Variants in HDAC4 observed in about 807,000 individuals in gnomAD.
HDAC4 encodes the protein histone deacetylase 4.
In HDAC4, 16 loss-of-function variants were observed where a neutral mutation model predicts 135.1. That is an observed-to-expected ratio of 0.12 (90% CI 0.08 to 0.18). The LOEUF is 0.18. HDAC4 is among the 10% of genes least tolerant of loss of function. HDAC4 has a pLI of 1.00. For synonymous variants in HDAC4, 685 were observed against 653.4 expected (o/e 1.05, Z -0.74); for missense variants, 1,143 against 1,511.8 (o/e 0.76, Z 4.05).
chr2:239,261,063 G>A (rs943730066), intron 2 of HDAC4, among the ~76,000 whole-genome samples: 3 of 152,198 alleles, frequency 2.0e-5, no homozygotes, highest in African/African-American at 4.8e-5. Flanking sequence ...TCAGGTGGAC[G>A]TTCTGGATGT....
Position 239,090,052 on chromosome 2 carries a change from C to G in HDAC4, c.2345G>C (p.Cys782Ser). The G allele has an allele frequency of 6.2e-7, 1 of 1,613,924 alleles. No individual in the cohort carries two copies. Residue 782 changes from cysteine to serine, a missense_variant, in exon 18 of 27, where the codon TGC becomes TCC. Cys to Ser is a moderately radical substitution (Grantham distance 112, BLOSUM62 -1). Transcript: ENST00000543185. ...SAGAARLAVG[C>S]VVELVFKVAT... is the part of the protein sequence containing the mutation. ...CACCTTGAAGACCAGCTCTACCACG[C>G]AGCCCACAGCCAGGCGGGCTGCCCC...
At chr2:239,304,350 G>C (rs1350932770) in intron 2 of HDAC4, among the ~76,000 whole-genome samples, 2 of 152,198 alleles carry the variant, frequency 1.3e-5, no homozygotes, top group Non-Finnish European at 2.9e-5. Context: ...GATAAGCCGT[G>C]TAAACACCAG....
intron 15 of HDAC4, 76 bp from the exon 16 acceptor site, chr2:239,102,972 C>G: frequency 6.3e-7 from 1 of 1,582,420 alleles, no homozygotes; most frequent in Non-Finnish European, 8.7e-7. Flanking sequence ...GAAACTCCAA[C>G]TGAAACCATT....
intron 2 of HDAC4, among the ~76,000 whole-genome samples, chr2:239,330,705 G>C (rs1291770866): frequency 1.3e-5 from 2 of 152,210 alleles, no homozygotes; most frequent in Non-Finnish European, 2.9e-5. Flanking sequence ...CATGAGGCCT[G>C]GCCTTCTACA....
intron 1 of HDAC4, among the ~76,000 whole-genome samples, chr2:239,377,052 C>T (rs749703059): frequency 2.0e-5 from 3 of 152,112 alleles, no homozygotes; most frequent in Non-Finnish European, 4.4e-5. Flanking sequence ...ACACCTTACC[C>T]GTGAGCGTGC....
At chr2:239,057,489 CAAA>C (rs1466045034) in intron 24 of HDAC4, among the ~76,000 whole-genome samples, 2 of 152,110 alleles carry the variant, frequency 1.3e-5, no homozygotes, top group African/African-American at 4.8e-5. Flanking sequence ...ACATCAAAAA[CAAA>C]AAGAAAATTC....
chr2:239,311,661 G>A (rs1441129871), intron 2 of HDAC4, among the ~76,000 whole-genome samples: 1 of 152,142 alleles, frequency 6.6e-6, no homozygotes, highest in African/African-American at 2.4e-5. Flanking sequence ...ACCACACACA[G>A]GGGACTCCGT....
rs567448932 is a variant in HDAC4 at position 239,081,669 on chromosome 2, C to T, written c.2652+433G>A. Among the ~76,000 whole-genome samples the T allele has an allele frequency of 5.3e-5, 8 of 152,334 alleles. No individual in the cohort carries two copies. The East Asian group carries it at 5.8e-4, about 11-fold the overall frequency. On this transcript the variant is annotated intron_variant, in intron 21 of 26. Transcript: ENST00000543185. ...CTGTTCAGAGTGGGCAGGCTCTGAA[C>T]GGGGACCTGGGGCGTTGTCAAGGAG...
At chr2:239,143,926 G>C (rs3791479) in intron 8 of HDAC4, among the ~76,000 whole-genome samples, 105,809 of 152,102 alleles carry the variant, frequency 0.7, 37,629 homozygotes, top group South Asian at 0.91. Flanking sequence ...TGTGATTTCA[G>C]GAGTGGTGGG....
intron 2 of HDAC4, among the ~76,000 whole-genome samples, chr2:239,276,548 A>C (rs2050376639): frequency 6.6e-6 from 1 of 152,218 alleles, no homozygotes. Flanking sequence ...TGGGGACCTA[A>C]GTCCCTCTAG....
intron 3 of HDAC4, among the ~76,000 whole-genome samples, chr2:239,207,265 A>G (rs1318191905): frequency 6.6e-6 from 1 of 152,226 alleles, no homozygotes; most frequent in Non-Finnish European, 1.5e-5. Context: ...GAAACTTGGT[A>G]GCCTTAAATA....
intron 5 of HDAC4, 31 bp from the exon 6 acceptor site, chr2:239,163,954 A>C (rs769309523): frequency 5.0e-6 from 8 of 1,613,678 alleles, no homozygotes; most frequent in Non-Finnish European, 6.8e-6. Flanking sequence ...GCAGGGGGTG[A>C]AGTGTGGCTC....
At chr2:239,372,847 T>G (rs372970763) in intron 1 of HDAC4, among the ~76,000 whole-genome samples, 1 of 152,124 alleles carries the variant, frequency 6.6e-6, no homozygotes, top group African/African-American at 2.4e-5. Flanking sequence ...TGTGCACATA[T>G]GTACACATGC....
At chr2:239,088,719 T>G (rs2036222856) in intron 18 of HDAC4, among the ~76,000 whole-genome samples, 1 of 152,160 alleles carries the variant, frequency 6.6e-6, no homozygotes, top group African/African-American at 2.4e-5. Flanking sequence ...CACGTCCTTT[T>G]AACATCCCGA....
intron 18 of HDAC4, among the ~76,000 whole-genome samples, chr2:239,088,259 G>A (rs897809688): frequency 6.6e-6 from 1 of 152,176 alleles, no homozygotes; most frequent in Non-Finnish European, 1.5e-5. Flanking sequence ...TCCTCTCCTG[G>A]TCTCACCAGC....
rs2052119833 is a variant in HDAC4, at chr2:239,299,475, A to C, written c.22+53203T>G. Among the ~76,000 whole-genome samples, 1 of 152,252 alleles carries C rather than the reference A, an allele frequency of 6.6e-6. No individual in the cohort carries two copies. Among genetic ancestry groups the C allele is most frequent in the Non-Finnish European group, 1.5e-5 (1 of 68,044 alleles). On this transcript the variant is annotated intron_variant, in intron 2 of 26. Transcript: ENST00000543185. The surrounding 1 kb of genome is among the most constrained non-coding windows in gnomAD (Gnocchi z 4.0). ...CACAACCACGGCACTGGGGTGCCGA[A>C]ACCAGAAGAGACATGCACACGAGGC...
intron 2 of HDAC4, among the ~76,000 whole-genome samples, chr2:239,324,852 G>A (rs1048965035): frequency 7.2e-5 from 11 of 152,050 alleles, no homozygotes; most frequent in African/African-American, 1.2e-4. Flanking sequence ...TGGCTGCAGC[G>A]CCCTGGCTTA....
intron 24 of HDAC4, among the ~76,000 whole-genome samples, chr2:239,061,335 C>T (rs565310071): frequency 8.1e-4 from 119 of 146,964 alleles, no homozygotes; most frequent in African/African-American, 2.8e-3. Flanking sequence ...AGAGGGCATA[C>T]CTGTGTGGTG....
Position 239,146,877 on chromosome 2 carries a change from C to T in HDAC4, c.734-2163G>A, listed in dbSNP as rs116570104. Among the ~76,000 whole-genome samples the T allele has an allele frequency of 6.0e-3, 907 of 152,228 alleles. 15 individuals are homozygous for T. Among genetic ancestry groups the T allele is most frequent in the African/African-American group, 0.021 (862 of 41,508 alleles). On this transcript the variant is annotated intron_variant, in intron 7 of 26. Coordinates refer to ENST00000543185, the MANE Select transcript of HDAC4 (RefSeq NM_001378414.1). The surrounding 1 kb of genome is among the most constrained non-coding windows in gnomAD (Gnocchi z 4.5). ...CTTCTGTCCCCTCACCTGTTTACCC[C>T]CTGCCTCCCAGCCTGCACACCTGCC... is the stretch of plus-strand genomic sequence containing the variant.
Sources: allele counts gnomAD v4.1 joint callset (sites outside exome capture counted in the v4.1 genomes callset), GRCh38; gene constraint gnomAD v4.1.1; non-coding constraint Gnocchi (gnomAD v3.1); transcripts MANE v1.5; gene names NCBI Gene and HGNC (gene_info 2026-07-23, HGNC 2026-07-21).